The following EHBP1L1 variants were observed in gnomAD, a reference collection of about 807,000 sequenced individuals.
EHBP1L1 encodes EH domain binding protein 1 like 1.
EHBP1L1 carries 122 observed loss-of-function variants against 151.1 expected under a neutral mutation model. That is an observed-to-expected ratio of 0.81 (90% CI 0.70 to 0.94). The LOEUF (loss-of-function observed/expected upper bound fraction) is 0.94, where lower values mean the gene tolerates loss of function less well. Ranked by LOEUF, EHBP1L1 falls within the 40% of genes least tolerant of loss-of-function variation. The pLI, the probability that EHBP1L1 is intolerant of heterozygous loss-of-function variation, is 0.00. For synonymous variants in EHBP1L1, 878 were observed against 810.1 expected (o/e 1.08, Z -1.42); for missense variants, 1,941 against 1,959.8 (o/e 0.99, Z 0.18).
At chr11:65,591,553 C>A (rs1228681647) in intron 16 of EHBP1L1, 2 of 590,866 alleles carry the variant, frequency 3.4e-6, no homozygotes, top group Non-Finnish European at 6.1e-6. Flanking sequence ...TCCAAATAAT[C>A]CTTCGGGGGT....
Position 65,585,252 on chromosome 11 carries a change from C to T in EHBP1L1, c.3594C>T (p.Asp1198=), listed in dbSNP as rs1857898673. The T allele has an allele frequency of 5.4e-6, 6 of 1,102,146 alleles. No individual in the cohort carries two copies. Among genetic ancestry groups the T allele is most frequent in the African/African-American group, 1.7e-5 (1 of 58,978 alleles). The allele number at this position is 1,102,146 out of a possible 1,614,324, so 68.3% of individuals were successfully genotyped here. A position where few individuals can be genotyped will look rare whatever the true frequency, so the allele number is the denominator to read the frequency against. Reference sequence around the variant, plus strand: ...CCCAGGAGCCCAAGGAGGCCGCAGACCGCGCAGACGGGGCGGCCCCGGGGG... The same window carrying T: ...CCCAGGAGCCCAAGGAGGCCGCAGATCGCGCAGACGGGGCGGCCCCGGGGG... The part of the protein sequence containing the change: ...EGPQEPKEAA[D]RADGAAPGVA... Residue 1198 remains aspartate (D), a synonymous_variant, in exon 12 of 19, where the codon GAC becomes GAT. Transcript: ENST00000309295. This position sits in a 1 kb window ranked among gnomAD's most constrained non-coding sequence, Gnocchi z 4.0.
At chr11:65,580,509 C>T (rs1234247457) in intron 6 of EHBP1L1, 30 bp downstream of exon 6, 2 of 1,599,938 alleles carry the variant, frequency 1.3e-6, no homozygotes, top group Non-Finnish European at 8.5e-7. Context: ...TGGATCGAGA[C>T]TGCCAAGACC....
At position 65,582,746 on chromosome 11, in the gene EHBP1L1, G is replaced by A. The variant is rs777343659; in HGVS notation, c.2074G>A (p.Asp692Asn). Residue 692 changes from aspartate (D) to asparagine (N), a missense_variant, in exon 9 of 19, where the codon GAT becomes AAT. Asp to Asn is a conservative substitution (Grantham distance 23, BLOSUM62 1). Coordinates refer to ENST00000309295, the MANE Select transcript of EHBP1L1 (RefSeq NM_001099409.3). Reference sequence around the variant, plus strand: ...GGATTTAGGGCCACTGAAGATAGAAGATACAATACAGTCTGAGATGCTGGG... The same window carrying A: ...GGATTTAGGGCCACTGAAGATAGAAAATACAATACAGTCTGAGATGCTGGG... The part of the protein sequence containing the change: ...SGDLGPLKIE[D>N]TIQSEMLGTQ... The A allele has an allele frequency of 9.9e-6, 16 of 1,613,516 alleles. No individual in the cohort carries two copies. The highest frequency in any genetic ancestry group is 1.4e-5 in the Non-Finnish European group (16 of 1,179,852).
chr11:65,580,143 G>T lies in EHBP1L1; in HGVS notation c.375G>T (p.Gly125=). 6.2e-7 allele frequency: 1 copy of T among 1,613,696 alleles called. No individual in the cohort carries two copies. ...TAEVDLARHA[G]PVPVQVPVRL... is the part of the protein sequence containing the mutation. The stretch of plus-strand genomic sequence containing the variant: ...AGGTGGACCTGGCCCGCCATGCAGG[G>T]CCCGTGCCTGTCCAAGTCCCAGTGA... Residue 125 remains glycine (G), a synonymous_variant, in exon 5 of 19, where the codon GGG becomes GGT. Coordinates refer to ENST00000309295, the MANE Select transcript of EHBP1L1 (RefSeq NM_001099409.3).
At position 65,588,320 on chromosome 11, in the gene EHBP1L1, G is replaced by A. The variant is rs186869143; in HGVS notation, c.3934-1431G>A. ...AAGTCGGCCACTGTGGCCAGGGGGC[G>A]GTGTCTAGGCGTGGCTCAGGGTGGT... is the stretch of plus-strand genomic sequence containing the variant. On this transcript the variant is annotated intron_variant, in intron 12 of 18. Transcript: ENST00000309295. 5.3e-3 allele frequency among the ~76,000 whole-genome samples: 801 copies of A among 152,324 alleles called. 6 individuals carry two copies. The highest frequency in any genetic ancestry group is 5.3e-3 in the Non-Finnish European group (363 of 68,016).
Position 65,589,780 on chromosome 11 carries a change from C to T in EHBP1L1, c.3963C>T (p.Ala1321=). Residue 1321 remains alanine, a synonymous_variant, in exon 13 of 19, where the codon GCC becomes GCT. Transcript: ENST00000309295. ...GCCAGGCCCCTGACCCCAGCCCTGC[C>T]CCAGGCCCACCCACAGCTGCAGACT... ...AEGQAPDPSP[A]PGPPTAADSQ... is the part of the protein sequence containing the mutation. 1 of 1,558,116 alleles carries T rather than the reference C, an allele frequency of 6.4e-7. No homozygotes were observed. Among genetic ancestry groups the T allele is most frequent in the South Asian group, 1.2e-5 (1 of 84,292 alleles).
chr11:65,583,783 C>G lies in EHBP1L1; in HGVS notation c.3093+18C>G, dbSNP rs1377166288. 2 of 1,459,928 alleles carry G rather than the reference C, an allele frequency of 1.4e-6. No individual in the cohort carries two copies. The highest frequency in any genetic ancestry group is 1.4e-5 in the African/African-American group (1 of 69,912). The allele number at this position is 1,459,928 out of a possible 1,614,324, so 90.4% of individuals were successfully genotyped here. ...GCAGCCAGGTAGGGATGGGGGCCGC[C>G]GAGGGCCCAGTCTGCTGCTTCCCAC... On this transcript the variant is annotated intron_variant, in intron 9 of 18. Transcript: ENST00000309295.
At position 65,585,027 on chromosome 11, in the gene EHBP1L1, G is replaced by GACGAT; in HGVS notation, c.3369_3370insACGAT (p.Val1124ThrfsTer10). ...AGCCCGCGGACATGGTGCTACTGTCGGTGCCCGACAAGCTCATCGTCATGA... is the reference window on the plus strand; with the variant it reads ...AGCCCGCGGACATGGTGCTACTGTCGACGATGTGCCCGACAAGCTCATCGTCATGA... On this transcript the variant is annotated frameshift_variant, in exon 12 of 19. Coordinates refer to ENST00000309295, the MANE Select transcript of EHBP1L1 (RefSeq NM_001099409.3). LOFTEE classifies it high-confidence loss of function. The surrounding 1 kb of genome is among the most constrained non-coding windows in gnomAD (Gnocchi z 4.0). The GACGAT allele has an allele frequency of 6.5e-7, 1 of 1,536,836 alleles. No homozygotes were observed. Among genetic ancestry groups the GACGAT allele is most frequent in the Non-Finnish European group, 8.7e-7 (1 of 1,147,696 alleles).
chr11:65,579,240 T>C (rs1857471635), intron 2 of EHBP1L1, 101 bp from the exon 3 acceptor site: 4 of 1,498,370 alleles, frequency 2.7e-6, no homozygotes, highest in Non-Finnish European at 3.6e-6. Flanking sequence ...CAGATCAGAA[T>C]CCACAGAGGG....
chr11:65,577,297 G>A (rs1857379348), intron 1 of EHBP1L1, among the ~76,000 whole-genome samples: 1 of 152,252 alleles, frequency 6.6e-6, no homozygotes, highest in African/African-American at 2.4e-5. Flanking sequence ...AAGGGACCAT[G>A]GGGTCCAGGG....
intron 1 of EHBP1L1, among the ~76,000 whole-genome samples, chr11:65,576,920 T>C (rs1231345139): frequency 6.6e-6 from 1 of 151,682 alleles, no homozygotes; most frequent in Non-Finnish European, 1.5e-5. Flanking sequence ...GCTGGAAACA[T>C]CTCCACAATG....
In EHBP1L1 at chr11:65,590,315, G is replaced by C. The variant is rs1590839016; in HGVS notation, c.4183+105G>C. The C allele has an allele frequency of 4.5e-6, 7 of 1,540,740 alleles. No individual in the cohort carries two copies. In the East Asian group the frequency reaches 1.7e-4, roughly 37 times the overall value. ...GAGGAGCTGGGAGGAGGCACGGCTG[G>C]CATCAGCGTTCCCATTTTACAGCCA... On this transcript the variant is annotated intron_variant, in intron 15 of 18. Coordinates refer to ENST00000309295, the MANE Select transcript of EHBP1L1 (RefSeq NM_001099409.3).
At position 65,579,110 on chromosome 11, in the gene EHBP1L1, G is replaced by C; in HGVS notation, c.137G>C (p.Arg46Pro). 3 of 1,595,024 alleles carry C rather than the reference G, an allele frequency of 1.9e-6. No homozygotes were observed. The highest frequency in any genetic ancestry group is 1.7e-6 in the Non-Finnish European group (2 of 1,170,976). ...QPDKLVVVWT[R>P]RNRRICSKAH... ...GATAAGCTGGTGGTGGTATGGACCC[G>C]TCGGAACCGACGCATCTGCTCCAAG... is the stretch of plus-strand genomic sequence containing the variant. Residue 46 changes from arginine to proline, a missense_variant, in exon 2 of 19, where the codon CGT (arginine) becomes CCT (proline). Arg to Pro is a moderately radical substitution (Grantham distance 103, BLOSUM62 -2). Transcript: ENST00000309295.
chr11:65,577,142 T>C (rs941032111), intron 1 of EHBP1L1, among the ~76,000 whole-genome samples: 2 of 152,190 alleles, frequency 1.3e-5, no homozygotes, highest in Non-Finnish European at 2.9e-5. Context: ...CCGCCACCCA[T>C]AGCTGCCCAG....
chr11:65,576,418 G>T lies in EHBP1L1; in HGVS notation c.104+12G>T. ...TGCACCAAGAAATGGTGAGTGGGAG[G>T]GAGGCGGGGGGGCTCCCCCGAACTT... On this transcript the variant is annotated intron_variant, in intron 1 of 18. Coordinates refer to ENST00000309295, the MANE Select transcript of EHBP1L1 (RefSeq NM_001099409.3). The T allele has an allele frequency of 6.4e-7, 1 of 1,563,746 alleles. No homozygotes were observed.
At chr11:65,590,924 G>A (rs1384488752) in intron 16 of EHBP1L1, among the ~76,000 whole-genome samples, 1 of 152,112 alleles carries the variant, frequency 6.6e-6, no homozygotes, top group Non-Finnish European at 1.5e-5. Context: ...CCAGCAACTT[G>A]GAAGGCTGAG....
At chr11:65,580,709 T>C (rs1857555033) in intron 6 of EHBP1L1, among the ~76,000 whole-genome samples, 1 of 152,162 alleles carries the variant, frequency 6.6e-6, no homozygotes, top group Non-Finnish European at 1.5e-5. Context: ...GCTGGGCTCC[T>C]GGGTCCTCTC....
intron 16 of EHBP1L1, among the ~76,000 whole-genome samples, chr11:65,590,972 A>G (rs973857408): frequency 6.7e-6 from 1 of 149,908 alleles, no homozygotes; most frequent in Non-Finnish European, 1.5e-5. Flanking sequence ...CAGAGGTTGC[A>G]GTGAGCCAAG....
Position 65,583,331 on chromosome 11 carries a change from C to T in EHBP1L1, c.2659C>T (p.Gln887Ter). The change falls in exon 9 of 19, where the codon CAG (glutamine) becomes TAG (stop). Residue 887 changes from glutamine to a stop codon, truncating the protein, a stop_gained. Coordinates refer to ENST00000309295, the MANE Select transcript of EHBP1L1 (RefSeq NM_001099409.3). LOFTEE classifies it high-confidence loss of function. The part of the protein sequence containing the change: ...EKEEAQTSGV[Q>*]EAETRVGSAL... ...GGAAGAGGCTCAGACTTCGGGGGTCCAGGAAGCAGAGACTAGAGTTGGGAG... is the reference window on the plus strand; with the variant it reads ...GGAAGAGGCTCAGACTTCGGGGGTCTAGGAAGCAGAGACTAGAGTTGGGAG... 1 of 1,613,608 alleles carries T rather than the reference C, an allele frequency of 6.2e-7. No homozygotes were observed.
Sources: gnomAD v4.1 joint callset for allele counts (sites outside exome capture counted in the v4.1 genomes callset) on GRCh38, gnomAD v4.1.1 for gene constraint, Gnocchi (gnomAD v3.1) non-coding constraint, MANE v1.5 for transcripts, NCBI Gene and HGNC (gene_info 2026-07-23, HGNC 2026-07-21) for gene names.